Variants in PCSK6 observed in about 807,000 individuals in gnomAD.
PCSK6 encodes the protein paired basic amino acid cleaving enzyme 4.
In PCSK6, 85 loss-of-function variants were observed where a neutral mutation model predicts 123.3. The observed-to-expected ratio is 0.69, with a 90% CI of 0.58 to 0.83. The LOEUF (loss-of-function observed/expected upper bound fraction) is 0.83. Ranked by LOEUF, PCSK6 falls within the 40% of genes least tolerant of loss-of-function variation. The probability of loss-of-function intolerance (pLI) is 0.00; values close to 1 mark genes in which losing one functional copy is unlikely to be tolerated. For synonymous variants in PCSK6, 508 were observed against 516.0 expected, an observed-to-expected ratio of 0.98 and a Z score of 0.21; for missense variants, 1,191 against 1,282.3, an observed-to-expected ratio of 0.93 and a Z score of 1.09.
chr15:101,309,633 G>A (rs1327444378), intron 20 of PCSK6, among the ~76,000 whole-genome samples: 1 of 152,244 alleles, frequency 6.6e-6, no homozygotes, highest in Non-Finnish European at 1.5e-5. Context: ...GACGCAGCAT[G>A]CGCATTGGCA....
intron 20 of PCSK6, among the ~76,000 whole-genome samples, chr15:101,309,517 C>T (rs560627177): frequency 2.6e-5 from 4 of 152,372 alleles, no homozygotes; most frequent in Admixed American, 6.5e-5. Flanking sequence ...ACAGGGATGC[C>T]GGATGCAGCC....
rs375087563 is a variant in PCSK6 at position 101,483,606 on chromosome 15, T to C, written c.297+5768A>G. 3.9e-5 allele frequency among the ~76,000 whole-genome samples: 6 copies of C among 152,302 alleles called. No homozygotes were observed. In the East Asian group the frequency reaches 9.6e-4, roughly 24 times the overall value. On this transcript the variant is annotated intron_variant, in intron 1 of 21. Coordinates refer to ENST00000611716, the MANE Select transcript of PCSK6 (RefSeq NM_002570.5). ...TCCAAGAGCAGCAGACGCTGAGCTG[T>C]TGTGATTTGGTATGTGGAGAATACC...
chr15:101,472,471 G>A (rs977962836), intron 1 of PCSK6, among the ~76,000 whole-genome samples: 13 of 152,258 alleles, frequency 8.5e-5, no homozygotes, highest in Non-Finnish European at 1.3e-4. Flanking sequence ...TCTAATTCAT[G>A]CAACCTGACA....
At chr15:101,486,200 G>C (rs1219402956) in intron 1 of PCSK6, among the ~76,000 whole-genome samples, 1 of 152,056 alleles carries the variant, frequency 6.6e-6, no homozygotes, top group Non-Finnish European at 1.5e-5. Context: ...CTGACCTCAG[G>C]TGATCCGCCT....
At chr15:101,426,666 C>A (rs566672900) in intron 6 of PCSK6, among the ~76,000 whole-genome samples, 25 of 152,310 alleles carry the variant, frequency 1.6e-4, no homozygotes, top group African/African-American at 6.0e-4. Flanking sequence ...ACAAGAAATT[C>A]CCCCAAGGAC....
intron 11 of PCSK6, 65 bp from the exon 12 acceptor site, chr15:101,370,588 G>C: frequency 7.3e-7 from 1 of 1,361,532 alleles, no homozygotes; most frequent in South Asian, 1.7e-5. Context: ...ACACAGCCAG[G>C]AGCTCCAGCG....
intron 13 of PCSK6, among the ~76,000 whole-genome samples, chr15:101,340,481 T>G (rs1163127024): frequency 6.6e-6 from 1 of 152,220 alleles, no homozygotes; most frequent in Non-Finnish European, 1.5e-5. Context: ...TTTTCCAAAG[T>G]AATAAATTAA....
intron 6 of PCSK6, among the ~76,000 whole-genome samples, chr15:101,424,740 A>C (rs2056197371): frequency 6.6e-6 from 1 of 152,270 alleles, no homozygotes; most frequent in South Asian, 2.1e-4. Flanking sequence ...AACAGCACAA[A>C]CAATGACAGT....
Position 101,347,614 on chromosome 15 carries a change from A to G in PCSK6, c.1859-15583T>C, listed in dbSNP as rs998697119. 8 of 1,537,392 alleles carry G rather than the reference A, an allele frequency of 5.2e-6. No individual in the cohort carries two copies. The Admixed American group carries it at 1.5e-4, about 28-fold the overall frequency. On this transcript the variant is annotated intron_variant, in intron 13 of 21. Transcript: ENST00000611716. The stretch of plus-strand genomic sequence containing the variant: ...TTTGTGAGCCATGTCCAAAGTGCTG[A>G]GCCTCTGGGGGCGGGAGCTGAGAGA...
intron 13 of PCSK6, among the ~76,000 whole-genome samples, chr15:101,352,585 T>C (rs887759925): frequency 1.3e-5 from 2 of 152,234 alleles, no homozygotes; most frequent in African/African-American, 4.8e-5. Context: ...ACGCTATCCT[T>C]AGCATATCTC....
At chr15:101,388,896 G>A (rs1003814894) in intron 9 of PCSK6, among the ~76,000 whole-genome samples, 9 of 152,130 alleles carry the variant, frequency 5.9e-5, no homozygotes, top group African/African-American at 1.7e-4. Context: ...AGGCTAGGGC[G>A]GGGGGTCAAT....
chr15:101,489,416 C>T lies in PCSK6; in HGVS notation c.255G>A (p.Ala85=), dbSNP rs759797494. The stretch of plus-strand genomic sequence containing the variant: ...ACCCGTGCGCCGCCGCCACGCGGTC[C>T]GCCTCGGCCGGGCCGCCCAGCACTT... ...AVQVLGGPAE[A]DRVAAAHGYL... is the part of the protein sequence containing the mutation. The change falls in exon 1 of 22, where the codon GCG becomes GCA. Residue 85 remains alanine, a synonymous_variant. Coordinates refer to ENST00000611716, the MANE Select transcript of PCSK6 (RefSeq NM_002570.5). 16 of 1,282,114 alleles carry T rather than the reference C, an allele frequency of 1.2e-5. No individual in the cohort carries two copies. The South Asian group carries it at 1.9e-4, about 16-fold the overall frequency. 79.4% of individuals were successfully genotyped at this position (1,282,114 alleles called of 1,614,324 possible). A position where few individuals can be genotyped will look rare whatever the true frequency, so the allele number is the denominator to read the frequency against.
At chr15:101,483,493 A>G (rs1000752033) in intron 1 of PCSK6, among the ~76,000 whole-genome samples, 1 of 152,218 alleles carries the variant, frequency 6.6e-6, no homozygotes, top group African/African-American at 2.4e-5. Context: ...CAGACTCAGA[A>G]GCAACAAATT....
At position 101,384,428 on chromosome 15, in the gene PCSK6, G is replaced by A. The variant is rs999289437; in HGVS notation, c.1311-3C>T. ...CGTCCCTCCAGGTTAACTGGCTGCT[G>A]CAATGACACAACACACCCTAGAGTC... is the stretch of plus-strand genomic sequence containing the variant. On this transcript the variant is annotated splice_region_variant and splice_polypyrimidine_tract_variant and intron_variant, in intron 9 of 21. Coordinates refer to ENST00000611716, the MANE Select transcript of PCSK6 (RefSeq NM_002570.5). 2 of 1,612,476 alleles carry A rather than the reference G, an allele frequency of 1.2e-6. No individual in the cohort carries two copies. Among genetic ancestry groups the A allele is most frequent in the Middle Eastern group, 1.7e-4 (1 of 6,060 alleles).
chr15:101,389,327 G>T, intron 9 of PCSK6, 137 bp downstream of exon 9: 1 of 679,512 alleles, frequency 1.5e-6, no homozygotes, highest in East Asian at 2.7e-5. Context: ...GGATGGTGGT[G>T]CAGGTGCACG....
chr15:101,343,021 G>T (rs1037516024), intron 13 of PCSK6, among the ~76,000 whole-genome samples: 1 of 152,116 alleles, frequency 6.6e-6, no homozygotes. Context: ...TAAATGTTTG[G>T]CAGAATTTGC....
rs577414899 is a variant in PCSK6, at chr15:101,427,911, C to T, written c.804G>A (p.Ala268=). 4.3e-5 allele frequency: 68 copies of T among 1,582,360 alleles called. No homozygotes were observed. Among genetic ancestry groups the T allele is most frequent in the African/African-American group, 2.6e-4 (19 of 74,440 alleles). Residue 268 remains alanine (A), a synonymous_variant, in exon 6 of 22, where the codon GCG becomes GCA. Coordinates refer to ENST00000611716, the MANE Select transcript of PCSK6 (RefSeq NM_002570.5). ...CCTTACCTCCTATTTTGGCATTGTA[C>T]GCTATGCCCACGATGCAGTAGGAAT... ...ANNSYCIVGI[A]YNAKIGGIRM...
chr15:101,381,053 G>GA (rs2041897798), intron 11 of PCSK6, among the ~76,000 whole-genome samples: 8 of 149,460 alleles, frequency 5.4e-5, no homozygotes, highest in Admixed American at 5.3e-4. Flanking sequence ...CTTTATGGCT[G>GA]CTTTTTTTTT....
intron 1 of PCSK6, among the ~76,000 whole-genome samples, chr15:101,461,603 T>C (rs1418110249): frequency 1.3e-5 from 2 of 152,090 alleles, no homozygotes; most frequent in Admixed American, 6.5e-5. Flanking sequence ...AACTAAAATA[T>C]TAGAAAGCCA....
Sources: allele counts gnomAD v4.1 joint callset (sites outside exome capture counted in the v4.1 genomes callset), GRCh38; gene constraint gnomAD v4.1.1; transcripts MANE v1.5; gene names NCBI Gene and HGNC (gene_info 2026-07-23, HGNC 2026-07-21).